The following PRDM16 variants were observed in gnomAD, a reference collection of about 807,000 sequenced individuals.
PRDM16 encodes histone-lysine N-methyltransferase PRDM16.
A neutral mutation model predicts 110.6 loss-of-function variants in PRDM16; 23 were observed. That is an observed-to-expected ratio of 0.21 (90% CI 0.15 to 0.29). The LOEUF (loss-of-function observed/expected upper bound fraction) is 0.29. PRDM16 is among the 10% of genes least tolerant of loss of function. The pLI, the probability that PRDM16 is intolerant of heterozygous loss-of-function variation, is 1.00. For missense variants in PRDM16, 1,615 were observed against 1,794.3 expected, an observed-to-expected ratio of 0.90 and a Z score of 1.81; for synonymous variants, 799 against 781.8, an observed-to-expected ratio of 1.02 and a Z score of -0.37.
Position 3,437,872 on chromosome 1 carries a change from C to T in PRDM16, c.*4061C>T, listed in dbSNP as rs1638950572. ...ACGTGCATTGCCACTGCGCTTTCGG[C>T]ACGAGGGATGCTGAGCCCTGGTGTC... is the stretch of plus-strand genomic sequence containing the variant. On this transcript the variant is annotated 3_prime_UTR_variant, in exon 17 of 17. Coordinates refer to ENST00000270722, the MANE Select transcript of PRDM16 (RefSeq NM_022114.4). 1 of 219,076 alleles carries T rather than the reference C, an allele frequency of 4.6e-6. No homozygotes were observed. The highest frequency in any genetic ancestry group is 9.2e-6 in the Non-Finnish European group (1 of 109,072). The allele number at this position is 219,076 out of a possible 1,614,324, so 13.6% of individuals were successfully genotyped here.
intron 2 of PRDM16, among the ~76,000 whole-genome samples, chr1:3,215,427 T>TCCC (rs1557534859): frequency 4.2e-4 from 34 of 80,408 alleles, no homozygotes; most frequent in African/African-American, 3.7e-3. Context: ...CAAGGCCTAT[T>TCCC]GGGGTCCAGG....
chr1:3,144,643 G>A (rs1015352903), intron 1 of PRDM16, among the ~76,000 whole-genome samples: 5 of 152,204 alleles, frequency 3.3e-5, no homozygotes, highest in Admixed American at 6.5e-5. Context: ...GTGTGCCCGC[G>A]TTCAGGAGAG....
intron 3 of PRDM16, among the ~76,000 whole-genome samples, chr1:3,377,848 CG>C (rs143708554): frequency 0.011 from 1,699 of 152,264 alleles, 33 homozygotes; most frequent in African/African-American, 0.039. Flanking sequence ...GCAGTGAGCC[CG>C]GGTTGGTCAC....
intron 2 of PRDM16, among the ~76,000 whole-genome samples, chr1:3,223,833 A>C (rs1334209776): frequency 6.6e-6 from 1 of 152,206 alleles, no homozygotes; most frequent in African/African-American, 2.4e-5. Context: ...ACAGGGGTGC[A>C]GCCTCCTGTC....
intron 3 of PRDM16, among the ~76,000 whole-genome samples, chr1:3,330,894 T>C (rs1343231864): frequency 3.3e-5 from 5 of 152,222 alleles, no homozygotes; most frequent in Non-Finnish European, 7.3e-5. Flanking sequence ...TCTCACCTGC[T>C]GCTCTGGGGC....
chr1:3,422,060 GCAGA>G (rs758292532), intron 12 of PRDM16, among the ~76,000 whole-genome samples: 29 of 151,330 alleles, frequency 1.9e-4, no homozygotes, highest in Admixed American at 1.2e-3. Context: ...GGACAGACAG[GCAGA>G]CAGACAGGCA....
intron 1 of PRDM16, among the ~76,000 whole-genome samples, chr1:3,114,557 C>T (rs550384784): frequency 9.9e-5 from 15 of 151,506 alleles, no homozygotes; most frequent in South Asian, 6.3e-4. Flanking sequence ...CACACACGTG[C>T]ACAAACAAGC....
chr1:3,199,958 C>T (rs184703219), intron 2 of PRDM16, among the ~76,000 whole-genome samples: 13 of 152,278 alleles, frequency 8.5e-5, no homozygotes, highest in Non-Finnish European at 1.5e-4. Flanking sequence ...TCTCTCCCCC[C>T]ACCAGGGGAA....
chr1:3,112,001 T>C (rs1489086159), intron 1 of PRDM16, among the ~76,000 whole-genome samples: 1 of 152,172 alleles, frequency 6.6e-6, no homozygotes, highest in Admixed American at 6.5e-5. Flanking sequence ...CCGGCCTTGA[T>C]AAATGTCAGT....
At chr1:3,409,780 GGT>G (rs921594495) in intron 8 of PRDM16, among the ~76,000 whole-genome samples, 12 of 135,178 alleles carry the variant, frequency 8.9e-5, no homozygotes, top group East Asian at 4.7e-4. Context: ...GTTGTGTGTG[GGT>G]GTGTGGTGTG....
intron 3 of PRDM16, among the ~76,000 whole-genome samples, chr1:3,257,878 GGGA>G (rs1640085151): frequency 6.6e-6 from 1 of 152,118 alleles, no homozygotes; most frequent in African/African-American, 2.4e-5. Context: ...TACCTACAGT[GGGA>G]GGAGGTGAGT....
intron 1 of PRDM16, among the ~76,000 whole-genome samples, chr1:3,093,862 G>A (rs951129513): frequency 6.6e-6 from 1 of 152,246 alleles, no homozygotes; most frequent in Non-Finnish European, 1.5e-5. Flanking sequence ...GGTCTGTGGG[G>A]CCAGGCCTGT....
At chr1:3,186,515 A>G (rs1285293540) in intron 2 of PRDM16, 41 bp downstream of exon 2, 2 of 1,274,260 alleles carry the variant, frequency 1.6e-6, no homozygotes, top group Non-Finnish European at 2.1e-6. Context: ...ACGGCCATTT[A>G]TCTTGTGTTC....
intron 1 of PRDM16, among the ~76,000 whole-genome samples, chr1:3,085,392 C>T (rs2100586428): frequency 6.6e-6 from 1 of 152,362 alleles, no homozygotes; most frequent in African/African-American, 2.4e-5. Flanking sequence ...CCTCACTGAA[C>T]AAGCTGCCAA....
intron 2 of PRDM16, among the ~76,000 whole-genome samples, chr1:3,203,134 G>T (rs1411102497): frequency 2.0e-5 from 3 of 152,204 alleles, no homozygotes; most frequent in African/African-American, 7.2e-5. Context: ...CCCGGGCTGA[G>T]GTGGAAAAGC....
intron 3 of PRDM16, among the ~76,000 whole-genome samples, chr1:3,368,557 G>A (rs1642856146): frequency 1.3e-5 from 2 of 152,342 alleles, no homozygotes. Context: ...ACCCTGAGGG[G>A]AAAGGGGCCA....
At chr1:3,394,396 T>C in intron 4 of PRDM16, 1 of 446,596 alleles carries the variant, frequency 2.2e-6, no homozygotes, top group Non-Finnish European at 4.5e-6. Context: ...CCCAGCCCTC[T>C]GCCCGCCAGT....
chr1:3,205,121 G>T (rs1042380124), intron 2 of PRDM16, among the ~76,000 whole-genome samples: 1 of 151,814 alleles, frequency 6.6e-6, no homozygotes, highest in Non-Finnish European at 1.5e-5. Flanking sequence ...CTTTTGTTTG[G>T]TGGGGGCGGG....
At chr1:3,361,241 CT>C (rs1305541162) in intron 3 of PRDM16, among the ~76,000 whole-genome samples, 1 of 152,188 alleles carries the variant, frequency 6.6e-6, no homozygotes, top group Non-Finnish European at 1.5e-5. Flanking sequence ...GCCGTCTCCC[CT>C]GGGACCCTCC....
Sources: allele counts gnomAD v4.1 joint callset (sites outside exome capture counted in the v4.1 genomes callset), GRCh38; gene constraint gnomAD v4.1.1; transcripts MANE v1.5; gene names NCBI Gene and HGNC (gene_info 2026-07-23, HGNC 2026-07-21).